The following TENM3 variants were observed in gnomAD, a reference collection of about 807,000 sequenced individuals.
The protein encoded by TENM3 is teneurin-3.
TENM3 carries 63 observed loss-of-function variants against 255.1 expected under a neutral mutation model. The observed-to-expected ratio is 0.25, with a 90% confidence interval of 0.20 to 0.30. The LOEUF is 0.30. Ranked by LOEUF, TENM3 falls within the 10% of genes least tolerant of loss-of-function variation. The pLI, the probability that TENM3 is intolerant of heterozygous loss-of-function variation, is 1.00. For missense variants in TENM3, 2,929 were observed against 3,461.1 expected, an observed-to-expected ratio of 0.85 and a Z score of 3.86; for synonymous variants, 1,306 against 1,322.3, an observed-to-expected ratio of 0.99 and a Z score of 0.27.
At chr4:181,451,073 A>C in the TENM3 span, among the ~76,000 whole-genome samples, 1 of 152,120 alleles carries the variant, frequency 6.6e-6, no homozygotes, top group Admixed American at 6.5e-5. Flanking sequence ...CCAACATTTT[A>C]CCTGAGTTTA....
intron 19 of TENM3, among the ~76,000 whole-genome samples, chr4:182,749,070 A>G (rs1266467930): frequency 6.6e-6 from 1 of 152,072 alleles, no homozygotes; most frequent in Admixed American, 6.6e-5. Context: ...GCACCAAGAA[A>G]ACTCACGTCC....
the TENM3 span, among the ~76,000 whole-genome samples, chr4:182,072,050 A>G: frequency 2.6e-5 from 4 of 152,346 alleles, no homozygotes; most frequent in South Asian, 8.3e-4. Flanking sequence ...ATGACAGATA[A>G]TGCCATCACT....
the TENM3 span, among the ~76,000 whole-genome samples, chr4:181,962,730 A>G: frequency 2.0e-5 from 3 of 152,232 alleles, no homozygotes; most frequent in Admixed American, 6.5e-5. Context: ...CCAAGTATGT[A>G]GAAGACACTC....
chr4:182,683,720 G>A (rs903072808), intron 11 of TENM3, among the ~76,000 whole-genome samples: 3 of 152,092 alleles, frequency 2.0e-5, no homozygotes, highest in East Asian at 1.9e-4. Flanking sequence ...GACAATGAGA[G>A]TATTGTTTTT....
chr4:181,693,036 C>G, the TENM3 span, among the ~76,000 whole-genome samples: 1 of 152,116 alleles, frequency 6.6e-6, no homozygotes, highest in Non-Finnish European at 1.5e-5. Flanking sequence ...GAGGAGTAGT[C>G]AAAGAGTCAG....
At chr4:182,779,390 ATCAT>A (rs1040291554) in intron 24 of TENM3, among the ~76,000 whole-genome samples, 50 of 152,244 alleles carry the variant, frequency 3.3e-4, no homozygotes, top group African/African-American at 1.2e-3. Context: ...ACATGAACTC[ATCAT>A]TTTTTATGGC....
the TENM3 span, among the ~76,000 whole-genome samples, chr4:181,948,003 A>G: frequency 6.6e-6 from 1 of 151,646 alleles, no homozygotes; most frequent in South Asian, 2.1e-4. Context: ...TGGGAAGGGG[A>G]AAAAAAAATA....
the TENM3 span, among the ~76,000 whole-genome samples, chr4:181,607,035 T>C: frequency 6.6e-6 from 1 of 152,166 alleles, no homozygotes; most frequent in South Asian, 2.1e-4. Flanking sequence ...TGTTCACTTA[T>C]ACAAAACCAA....
the TENM3 span, among the ~76,000 whole-genome samples, chr4:181,754,028 GT>G: frequency 6.6e-6 from 1 of 152,088 alleles, no homozygotes; most frequent in South Asian, 2.1e-4. Context: ...TGACAAGTAT[GT>G]TTTTTGCAAA....
At chr4:182,302,995 G>A (rs1234973681) in intron 1 of TENM3, among the ~76,000 whole-genome samples, 3 of 151,992 alleles carry the variant, frequency 2.0e-5, no homozygotes, top group Non-Finnish European at 2.9e-5. Context: ...AGTCATCGAA[G>A]TGGAAATTTC....
the TENM3 span, among the ~76,000 whole-genome samples, chr4:181,758,237 A>G: frequency 3.9e-5 from 6 of 152,162 alleles, no homozygotes; most frequent in East Asian, 9.6e-4. Flanking sequence ...GGGGACATGT[A>G]TGGGATAAAG....
At chr4:181,609,256 T>G in the TENM3 span, among the ~76,000 whole-genome samples, 1 of 152,196 alleles carries the variant, frequency 6.6e-6, no homozygotes, top group Non-Finnish European at 1.5e-5. Flanking sequence ...ACTAGTTTAT[T>G]TTTCTTTTGA....
chr4:182,620,541 A>G lies in TENM3; in HGVS notation c.750-8110A>G, dbSNP rs73872452. ...ATAGTAATGTCTAAGAGATTTTTACATGTATATTTTCACATATCTATTTTG... is the reference window on the plus strand; with the variant it reads ...ATAGTAATGTCTAAGAGATTTTTACGTGTATATTTTCACATATCTATTTTG... On this transcript the variant is annotated intron_variant, in intron 4 of 27. Coordinates refer to ENST00000511685, the MANE Select transcript of TENM3 (RefSeq NM_001080477.4). Among the ~76,000 whole-genome samples the G allele has an allele frequency of 8.5e-3, 1,289 of 152,342 alleles. 22 individuals are homozygous for G. Among genetic ancestry groups the G allele is most frequent in the African/African-American group, 0.03 (1,237 of 41,586 alleles).
chr4:181,601,611 A>T, the TENM3 span, among the ~76,000 whole-genome samples: 1 of 152,172 alleles, frequency 6.6e-6, no homozygotes, highest in Admixed American at 6.5e-5. Context: ...CATAAAGTTG[A>T]GTATTTATAT....
chr4:182,062,650 G>A, the TENM3 span, among the ~76,000 whole-genome samples: 2 of 152,188 alleles, frequency 1.3e-5, no homozygotes, highest in Non-Finnish European at 2.9e-5. Context: ...GTCTGTCATA[G>A]AGAACAGTAA....
chr4:181,542,729 T>C, the TENM3 span, among the ~76,000 whole-genome samples: 1 of 152,200 alleles, frequency 6.6e-6, no homozygotes, highest in Admixed American at 6.5e-5. Flanking sequence ...GAAGAATTCA[T>C]TCATTTAAGA....
chr4:181,900,691 G>T, the TENM3 span, among the ~76,000 whole-genome samples: 1 of 152,168 alleles, frequency 6.6e-6, no homozygotes, highest in Non-Finnish European at 1.5e-5. Flanking sequence ...CCTCTGCTCT[G>T]TGTAAAGCAC....
the TENM3 span, among the ~76,000 whole-genome samples, chr4:181,877,393 T>A: frequency 1.3e-5 from 2 of 152,238 alleles, no homozygotes; most frequent in African/African-American, 4.8e-5. Context: ...TTACAGCAGA[T>A]GCCTTTTTAT....
At chr4:181,540,533 G>A in the TENM3 span, among the ~76,000 whole-genome samples, 53 of 152,270 alleles carry the variant, frequency 3.5e-4, no homozygotes, top group African/African-American at 1.3e-3. Flanking sequence ...ACAGCGTCCA[G>A]CAGGCCATGC....
Sources: gnomAD v4.1 joint callset for allele counts (sites outside exome capture counted in the v4.1 genomes callset) on GRCh38, gnomAD v4.1.1 for gene constraint, MANE v1.5 for transcripts, NCBI Gene and HGNC (gene_info 2026-07-23, HGNC 2026-07-21) for gene names.